The following ZIM2 variants were observed in gnomAD, a reference collection of about 807,000 sequenced individuals.
ZIM2 encodes zinc finger protein 656.
In ZIM2, 14 loss-of-function variants were observed where a neutral mutation model predicts 38.6. That is an observed-to-expected ratio of 0.36 (90% CI 0.24 to 0.57). The LOEUF is 0.57. Ranked by LOEUF, ZIM2 falls within the 20% of genes least tolerant of loss-of-function variation. ZIM2 has a pLI of 0.81. For missense variants in ZIM2, 680 were observed against 695.1 expected (o/e 0.98, Z 0.24); for synonymous variants, 247 against 245.8 (o/e 1.00, Z -0.04).
intron 9 of ZIM2, chr19:56,816,247 T>C: frequency 6.2e-7 from 1 of 1,614,094 alleles, no homozygotes; most frequent in Non-Finnish European, 8.5e-7. Flanking sequence ...ATGACTCTTC[T>C]GAGATTCAGT....
At chr19:56,808,855 T>C (rs78111275) in intron 9 of ZIM2, among the ~76,000 whole-genome samples, 15,446 of 152,168 alleles carry the variant, frequency 0.1, 1,008 homozygotes, top group Middle Eastern at 0.17. Flanking sequence ...ATGGTCTATT[T>C]CCTTCTAGGC....
intron 7 of ZIM2, among the ~76,000 whole-genome samples, chr19:56,820,359 T>C (rs186697418): frequency 6.6e-6 from 1 of 152,248 alleles, no homozygotes; most frequent in African/African-American, 2.4e-5. Flanking sequence ...TAGGAATCAG[T>C]AGCTTCCAGA....
intron 9 of ZIM2, among the ~76,000 whole-genome samples, chr19:56,805,709 G>GC (rs988267672): frequency 2.0e-5 from 3 of 152,096 alleles, no homozygotes; most frequent in African/African-American, 7.2e-5. Context: ...TAGGAAAATG[G>GC]CCCCCCAAAC....
At chr19:56,809,322 C>T (rs537808966) in intron 9 of ZIM2, among the ~76,000 whole-genome samples, 9 of 152,132 alleles carry the variant, frequency 5.9e-5, no homozygotes, top group Non-Finnish European at 8.8e-5. Context: ...GTGGCAAGTA[C>T]ACTTTTATAT....
chr19:56,782,278 A>G, intron 10 of ZIM2, 157 bp from the exon 11 acceptor site: 1 of 1,007,576 alleles, frequency 9.9e-7, no homozygotes, highest in East Asian at 2.7e-5. Context: ...AAGTGGGAAC[A>G]TTACTGAAAC....
chr19:56,790,158 G>C, intron 9 of ZIM2: 1 of 404,442 alleles, frequency 2.5e-6, no homozygotes, highest in Non-Finnish European at 4.3e-6. Context: ...AGCTCTAAAT[G>C]CTTCAATGGC....
chr19:56,809,512 T>C (rs2047955762), intron 9 of ZIM2, among the ~76,000 whole-genome samples: 1 of 152,120 alleles, frequency 6.6e-6, no homozygotes, highest in Non-Finnish European at 1.5e-5. Context: ...GCTCTGATCA[T>C]TATGGAATCA....
intron 9 of ZIM2, chr19:56,811,389 G>A (rs1311493925): frequency 6.9e-6 from 6 of 866,842 alleles, no homozygotes; most frequent in Middle Eastern, 5.9e-4. Context: ...ATATACTTTC[G>A]TGTCCTGCTT....
At position 56,814,878 on chromosome 19, in the gene ZIM2, G is replaced by A. The variant is rs1342385271; in HGVS notation, c.490+2868C>T. On this transcript the variant is annotated intron_variant, in intron 9 of 12. Coordinates refer to ENST00000629319, the MANE Select transcript of ZIM2 (RefSeq NM_001387356.1). This position sits in a 1 kb window ranked among gnomAD's most constrained non-coding sequence, Gnocchi z 5.8. ...CACACCCCTTCATGGAATACAACTG[G>A]TCTTGTTCATGGATTCTCTGATGCT... The A allele has an allele frequency of 6.2e-7, 1 of 1,614,132 alleles. No individual in the cohort carries two copies. Among genetic ancestry groups the A allele is most frequent in the Non-Finnish European group, 8.5e-7 (1 of 1,180,038 alleles).
rs536109681 is a variant in ZIM2 at position 56,803,376 on chromosome 19, C to CAGCT, written c.491-13429_491-13426dup. Among the ~76,000 whole-genome samples the CAGCT allele has an allele frequency of 2.3e-4, 35 of 152,332 alleles. 1 individual carries two copies. The South Asian group carries it at 7.0e-3, about 31-fold the overall frequency. On this transcript the variant is annotated intron_variant, in intron 9 of 12. Coordinates refer to ENST00000629319, the MANE Select transcript of ZIM2 (RefSeq NM_001387356.1). ...AAGTCCAATGGTTCACTGGTAGGAG[C>CAGCT]AGCTATCTGCAAGAGGAACAGAGGA...
chr19:56,792,398 G>A (rs1446375886), intron 9 of ZIM2, among the ~76,000 whole-genome samples: 1 of 151,546 alleles, frequency 6.6e-6, no homozygotes, highest in Non-Finnish European at 1.5e-5. Flanking sequence ...AGGCGTGGTG[G>A]TGGGCCCCTG....
At chr19:56,831,157 T>C (rs76779037) in intron 2 of ZIM2, among the ~76,000 whole-genome samples, 6,563 of 152,174 alleles carry the variant, frequency 0.043, 460 homozygotes, top group African/African-American at 0.15. Context: ...GTGGTTTGTC[T>C]GTAAAATGAC....
chr19:56,822,881 C>T (rs1185181929), intron 5 of ZIM2, 45 bp from the exon 6 acceptor site: 5 of 1,591,288 alleles, frequency 3.1e-6, no homozygotes, highest in Admixed American at 1.8e-5. Context: ...CTCTTTGACA[C>T]ACCTGTTTTC....
intron 9 of ZIM2, chr19:56,813,201 C>CAAA: frequency 2.3e-6 from 2 of 857,952 alleles, no homozygotes; most frequent in African/African-American, 1.9e-5. Context: ...CTTCCTCCTC[C>CAAA]AAAAAAAAAA....
rs542245393 is a variant in ZIM2 at position 56,798,000 on chromosome 19, T to C, written c.491-8049A>G. 2.0e-5 allele frequency: 3 copies of C among 152,358 alleles called. No homozygotes were observed. In the South Asian group the frequency reaches 6.2e-4, roughly 32 times the overall value. 9.4% of individuals were successfully genotyped at this position (152,358 alleles called of 1,614,324 possible). On this transcript the variant is annotated intron_variant, in intron 9 of 12. Coordinates refer to ENST00000629319, the MANE Select transcript of ZIM2 (RefSeq NM_001387356.1). ...TCTTTTCTTCTCTGCCAGCTTTGAA[T>C]CTGCTGTTATTAAGTTGCTGGTGCT...
At chr19:56,800,934 C>CTTT (rs776316373) in intron 9 of ZIM2, among the ~76,000 whole-genome samples, 3 of 135,994 alleles carry the variant, frequency 2.2e-5, no homozygotes, top group Non-Finnish European at 3.2e-5. Flanking sequence ...GATGGTATTA[C>CTTT]TTTTTTTTTT....
intron 2 of ZIM2, chr19:56,833,355 C>A: frequency 2.8e-6 from 1 of 363,422 alleles, no homozygotes; most frequent in Non-Finnish European, 5.4e-6. Context: ...CTCTCTTCGT[C>A]TCCCAGGGAC....
At chr19:56,838,809 C>T (rs1011832035) in intron 1 of ZIM2, among the ~76,000 whole-genome samples, 6 of 152,246 alleles carry the variant, frequency 3.9e-5, no homozygotes, top group Non-Finnish European at 8.8e-5. Context: ...CCACAGCTTT[C>T]CATCACCGCA....
intron 11 of ZIM2, among the ~76,000 whole-genome samples, chr19:56,781,739 A>G (rs982228830): frequency 6.6e-6 from 1 of 152,242 alleles, no homozygotes; most frequent in African/African-American, 2.4e-5. Context: ...CTAAACACTT[A>G]CACAAGTGCC....
Sources: gnomAD v4.1 joint callset for allele counts (sites outside exome capture counted in the v4.1 genomes callset) on GRCh38, gnomAD v4.1.1 for gene constraint, Gnocchi (gnomAD v3.1) non-coding constraint, MANE v1.5 for transcripts, NCBI Gene and HGNC (gene_info 2026-07-23, HGNC 2026-07-21) for gene names.